Variants in SUMF1 observed in about 807,000 individuals in gnomAD.
The protein encoded by SUMF1 is formylglycine-generating enzyme.
A neutral mutation model predicts 47.6 loss-of-function variants in SUMF1; 48 were observed. The ratio of observed to expected loss-of-function variants is 1.01; its 90% CI spans 0.80 to 1.28. The LOEUF is 1.28. Among genes scored for constraint, SUMF1 ranks in the 50% most tolerant of loss-of-function variants. SUMF1 has a pLI of 0.00. For synonymous variants in SUMF1, 230 were observed against 192.1 expected (o/e 1.20, Z -1.63); for missense variants, 571 against 485.4 (o/e 1.18, Z -1.66).
chr3:4,348,361 G>A (rs879880798), intron 8 of SUMF1, among the ~76,000 whole-genome samples: 3 of 151,946 alleles, frequency 2.0e-5, no homozygotes, highest in East Asian at 1.9e-4. Context: ...CAGAGACCTC[G>A]GAAGCAATAC....
intron 8 of SUMF1, among the ~76,000 whole-genome samples, chr3:4,154,517 T>A (rs1166948746): frequency 6.6e-6 from 1 of 151,598 alleles, no homozygotes. Context: ...TGGGGACTAT[T>A]ATCTCTGTTT....
In SUMF1 at chr3:4,410,916, C is replaced by T. The variant is rs1274564118; in HGVS notation, c.903G>A (p.Trp301Ter). 5 of 1,613,980 alleles carry T rather than the reference C, an allele frequency of 3.1e-6. No individual in the cohort carries two copies. The highest frequency in any genetic ancestry group is 4.2e-6 in the Non-Finnish European group (5 of 1,179,962). Residue 301 changes from tryptophan (W) to a stop codon, truncating the protein, a stop_gained, in exon 7 of 9, where the codon TGG becomes TGA. Coordinates refer to ENST00000272902, the MANE Select transcript of SUMF1 (RefSeq NM_182760.4). LOFTEE classifies it high-confidence loss of function. ...LYNIVGNAWE[W>*]TSDWWTVHHS... ...GATGAACAGTCCACCAGTCTGAAGT[C>T]CATTCCCATGCGTTCCCCACTATGT...
chr3:4,035,879 A>T (rs1428291024), intron 9 of SUMF1, among the ~76,000 whole-genome samples: 1 of 5,026 alleles, frequency 2.0e-4, no homozygotes, highest in Non-Finnish European at 9.8e-3. Flanking sequence ...GCTTTGTGAG[A>T]TATGTTAGAG....
At chr3:4,417,872 A>G (rs1248759000) in intron 5 of SUMF1, 138 bp downstream of exon 5, 2 of 1,496,920 alleles carry the variant, frequency 1.3e-6, no homozygotes, top group African/African-American at 2.8e-5. Flanking sequence ...CTTCTAAGTA[A>G]TTTCGTGGAA....
chr3:4,261,326 A>G (rs770790243), intron 8 of SUMF1, among the ~76,000 whole-genome samples: 2 of 152,090 alleles, frequency 1.3e-5, no homozygotes, highest in Non-Finnish European at 2.9e-5. Flanking sequence ...AGAGAGGACA[A>G]GTAAGTAAAA....
chr3:4,352,002 CCAGA>C (rs1222313826), intron 8 of SUMF1, among the ~76,000 whole-genome samples: 1 of 152,048 alleles, frequency 6.6e-6, no homozygotes, highest in East Asian at 1.9e-4. Flanking sequence ...GAATTTAAGC[CCAGA>C]CAGTCTGGCT....
At chr3:4,356,656 G>C (rs1301931210), downstream of SUMF1, among the ~76,000 whole-genome samples, 1 of 152,022 alleles carries the variant, frequency 6.6e-6, no homozygotes, top group Non-Finnish European at 1.5e-5. Context: ...CCCCGCAGAT[G>C]AAACGGGGCT....
intron 8 of SUMF1, among the ~76,000 whole-genome samples, chr3:4,072,598 G>A (rs1377623050): frequency 2.0e-5 from 3 of 152,112 alleles, no homozygotes; most frequent in African/African-American, 7.2e-5. Flanking sequence ...ACAGGTTAAA[G>A]GAATGGCTAA....
chr3:4,464,888 T>C (rs2079902809), intron 1 of SUMF1, among the ~76,000 whole-genome samples: 1 of 152,222 alleles, frequency 6.6e-6, no homozygotes, highest in African/African-American at 2.4e-5. Context: ...CTAAGCATTG[T>C]AGAAAGCAGA....
chr3:4,071,642 G>C (rs1695528776), intron 8 of SUMF1, among the ~76,000 whole-genome samples: 1 of 152,218 alleles, frequency 6.6e-6, no homozygotes, highest in African/African-American at 2.4e-5. Context: ...CCATTGCTGA[G>C]GCTTGAGTAG....
rs1179943427 is a variant in SUMF1, at chr3:4,274,073, T to C, written c.1014+102257A>G. Reference sequence around the variant, plus strand: ...ATAAACAGTATGATAGTTACCTCCCTAAAGCAGCTGGTAGGAGACTGCCCA... The same window carrying C: ...ATAAACAGTATGATAGTTACCTCCCCAAAGCAGCTGGTAGGAGACTGCCCA... On this transcript the variant is annotated intron_variant and NMD_transcript_variant, in intron 8 of 12. Coordinates refer to the SUMF1 transcript ENST00000448413. 2.6e-5 allele frequency among the ~76,000 whole-genome samples: 4 copies of C among 152,092 alleles called. No individual in the cohort carries two copies. The East Asian group carries it at 7.7e-4, about 29-fold the overall frequency.
At chr3:4,129,467 A>G (rs1166420502) in intron 8 of SUMF1, among the ~76,000 whole-genome samples, 2 of 152,126 alleles carry the variant, frequency 1.3e-5, no homozygotes, top group African/African-American at 4.8e-5. Context: ...ATGGAAAAAA[A>G]GACTAATTTG....
At chr3:4,357,062 A>G (rs1239941501), downstream of SUMF1, among the ~76,000 whole-genome samples, 1 of 152,200 alleles carries the variant, frequency 6.6e-6, no homozygotes, top group Admixed American at 6.5e-5. Flanking sequence ...GGAGAAATCT[A>G]CATCCCAGAT....
At chr3:4,106,346 G>C (rs906789887) in intron 8 of SUMF1, among the ~76,000 whole-genome samples, 4 of 151,896 alleles carry the variant, frequency 2.6e-5, no homozygotes, top group African/African-American at 7.3e-5. Flanking sequence ...TTCAGCTAGG[G>C]GATGAAAATA....
chr3:4,466,579 G>C (rs1214289029), intron 1 of SUMF1, among the ~76,000 whole-genome samples: 2 of 152,238 alleles, frequency 1.3e-5, no homozygotes, highest in South Asian at 2.1e-4. Flanking sequence ...GAGTGTACTC[G>C]AGGAGACTAC....
intron 8 of SUMF1, among the ~76,000 whole-genome samples, chr3:4,121,785 G>A (rs1253238203): frequency 6.6e-6 from 1 of 151,978 alleles, no homozygotes; most frequent in Non-Finnish European, 1.5e-5. Flanking sequence ...CTACTGTCAT[G>A]AGGGTTATGT....
chr3:4,438,487 C>G (rs558637884), intron 3 of SUMF1, among the ~76,000 whole-genome samples: 21 of 152,260 alleles, frequency 1.4e-4, no homozygotes, highest in Admixed American at 2.6e-4. Flanking sequence ...TTCCCAGTCC[C>G]CCAGGTGATG....
chr3:4,267,713 A>G (rs1298210787), intron 8 of SUMF1, among the ~76,000 whole-genome samples: 7 of 150,804 alleles, frequency 4.6e-5, no homozygotes, highest in African/African-American at 1.7e-4. Context: ...TTAGAATGGC[A>G]ATCATTAAAA....
intron 8 of SUMF1, among the ~76,000 whole-genome samples, chr3:4,187,841 A>G (rs959889661): frequency 2.4e-4 from 37 of 152,206 alleles, no homozygotes; most frequent in African/African-American, 8.9e-4. Flanking sequence ...TCATATTGCC[A>G]AAATAATGTT....
Sources: gnomAD v4.1 joint callset for allele counts (sites outside exome capture counted in the v4.1 genomes callset) on GRCh38, gnomAD v4.1.1 for gene constraint, MANE v1.5 for transcripts, NCBI Gene and HGNC (gene_info 2026-07-23, HGNC 2026-07-21) for gene names.